Variants in NPTN observed in about 807,000 individuals in gnomAD.
The protein encoded by NPTN is neuroplastin.
A neutral mutation model predicts 42.7 loss-of-function variants in NPTN; 5 were observed. That is an observed-to-expected ratio of 0.12 (90% CI 0.06 to 0.25). The LOEUF (loss-of-function observed/expected upper bound fraction) is 0.25, where lower values mean the gene tolerates loss of function less well. Ranked by LOEUF, NPTN falls within the 10% of genes least tolerant of loss-of-function variation. The pLI is 1.00. For synonymous variants in NPTN, 180 were observed against 201.9 expected, an observed-to-expected ratio of 0.89 and a Z score of 0.92; for missense variants, 307 against 525.4, an observed-to-expected ratio of 0.58 and a Z score of 4.06.
At chr15:73,615,495 T>TAG (rs2141459212) in intron 1 of NPTN, among the ~76,000 whole-genome samples, 1 of 152,264 alleles carries the variant, frequency 6.6e-6, no homozygotes, top group South Asian at 2.1e-4. Flanking sequence ...CACTACACTA[T>TAG]ACTGCCTCAC....
intron 1 of NPTN, among the ~76,000 whole-genome samples, chr15:73,627,895 G>A (rs893440538): frequency 1.3e-5 from 2 of 151,894 alleles, no homozygotes; most frequent in African/African-American, 2.4e-5. Flanking sequence ...AAGAAGTTTT[G>A]TTATGTATAT....
chr15:73,566,698 G>C (rs968478546), intron 6 of NPTN, among the ~76,000 whole-genome samples: 1 of 152,204 alleles, frequency 6.6e-6, no homozygotes, highest in African/African-American at 2.4e-5. Flanking sequence ...TGACATGGAT[G>C]GAAGCCTAGA....
At chr15:73,596,094 A>T (rs1896823702) in intron 2 of NPTN, among the ~76,000 whole-genome samples, 1 of 152,236 alleles carries the variant, frequency 6.6e-6, no homozygotes, top group Non-Finnish European at 1.5e-5. Flanking sequence ...TACTCATCAG[A>T]GTCAAACCGT....
At chr15:73,574,219 G>A (rs1405612082) in intron 4 of NPTN, among the ~76,000 whole-genome samples, 1 of 152,122 alleles carries the variant, frequency 6.6e-6, no homozygotes, top group Non-Finnish European at 1.5e-5. Flanking sequence ...ATTCCCTTAA[G>A]GAAATGAGAT....
intron 1 of NPTN, among the ~76,000 whole-genome samples, chr15:73,608,595 G>T (rs1403565754): frequency 6.6e-6 from 1 of 152,190 alleles, no homozygotes; most frequent in Non-Finnish European, 1.5e-5. Flanking sequence ...AATATAGGGA[G>T]AATGACAGGT....
intron 4 of NPTN, among the ~76,000 whole-genome samples, chr15:73,581,368 A>AT: frequency 6.6e-6 from 1 of 152,098 alleles, no homozygotes. Context: ...TTACCCTCTT[A>AT]GGGGGGCACA....
intron 1 of NPTN, among the ~76,000 whole-genome samples, chr15:73,625,564 C>T (rs1370149425): frequency 6.6e-6 from 1 of 152,088 alleles, no homozygotes; most frequent in East Asian, 1.9e-4. Flanking sequence ...ATCTCCTGAC[C>T]TCGTGATCCG....
At chr15:73,630,686 G>GT (rs889745669) in intron 1 of NPTN, among the ~76,000 whole-genome samples, 1 of 152,122 alleles carries the variant, frequency 6.6e-6, no homozygotes, top group Non-Finnish European at 1.5e-5. Flanking sequence ...ATACTTGTGA[G>GT]TTTTTTTCTC....
At chr15:73,607,756 T>C (rs1897357433) in intron 1 of NPTN, among the ~76,000 whole-genome samples, 1 of 152,214 alleles carries the variant, frequency 6.6e-6, no homozygotes, top group East Asian at 1.9e-4. Context: ...AAGCTTTCCT[T>C]AGATGACAAA....
At chr15:73,612,420 C>CAA (rs35226980) in intron 1 of NPTN, among the ~76,000 whole-genome samples, 2 of 120,032 alleles carry the variant, frequency 1.7e-5, no homozygotes, top group South Asian at 2.6e-4. Flanking sequence ...ATCCTGTCTC[C>CAA]AAAAAAAAAA....
intron 4 of NPTN, among the ~76,000 whole-genome samples, chr15:73,581,137 A>G (rs1270474726): frequency 6.6e-6 from 1 of 152,218 alleles, no homozygotes; most frequent in Non-Finnish European, 1.5e-5. Context: ...ATTTGCTGAT[A>G]CAAACAGGAC....
At chr15:73,611,613 T>C (rs979668014) in intron 1 of NPTN, among the ~76,000 whole-genome samples, 6 of 151,596 alleles carry the variant, frequency 4.0e-5, no homozygotes, top group Non-Finnish European at 1.5e-5. Flanking sequence ...GATGAAGAGG[T>C]AGTACACAGG....
At chr15:73,576,625 G>A (rs1170890111) in intron 4 of NPTN, among the ~76,000 whole-genome samples, 3 of 152,052 alleles carry the variant, frequency 2.0e-5, no homozygotes, top group Non-Finnish European at 2.9e-5. Flanking sequence ...CACTGCGCCT[G>A]GCTAAGAATG....
chr15:73,604,914 C>A (rs1239849104), intron 1 of NPTN, among the ~76,000 whole-genome samples: 1 of 151,908 alleles, frequency 6.6e-6, no homozygotes, highest in Admixed American at 6.6e-5. Context: ...CTGCACCAGT[C>A]TGGACAACAT....
At chr15:73,618,032 C>T (rs1013371795) in intron 1 of NPTN, among the ~76,000 whole-genome samples, 5 of 152,210 alleles carry the variant, frequency 3.3e-5, no homozygotes, top group Non-Finnish European at 7.3e-5. Flanking sequence ...CATGGGCAGA[C>T]ATTTCGTTTC....
Position 73,569,654 on chromosome 15 carries a change from G to C in NPTN, c.1114+496C>G, listed in dbSNP as rs901892923. On this transcript the variant is annotated intron_variant, in intron 6 of 8. Coordinates refer to ENST00000345330, the MANE Select transcript of NPTN (RefSeq NM_012428.4). This position sits in a 1 kb window ranked among gnomAD's most constrained non-coding sequence, Gnocchi z 4.1. ...GGCTTTTCTGAGAACAGTCTGACTG[G>C]GCTGGGGCAGTTACCTACAGGGGCT... 14 of 985,312 alleles carry C rather than the reference G, an allele frequency of 1.4e-5. No individual in the cohort carries two copies. In the African/African-American group the frequency reaches 1.7e-4, roughly 12 times the overall value. The allele number at this position is 985,312 out of a possible 1,614,324, so 61.0% of individuals were successfully genotyped here.
chr15:73,584,594 G>C (rs1037548161), intron 4 of NPTN, among the ~76,000 whole-genome samples: 1 of 151,932 alleles, frequency 6.6e-6, no homozygotes, highest in African/African-American at 2.4e-5. Context: ...GTGGATCCCA[G>C]GGAGGTGGGG....
chr15:73,631,890 C>T (rs1408931367), intron 1 of NPTN, among the ~76,000 whole-genome samples: 2 of 152,190 alleles, frequency 1.3e-5, no homozygotes, highest in Non-Finnish European at 2.9e-5. Context: ...TCCCTATGCC[C>T]ATGATTCCCC....
At chr15:73,567,722 G>A in intron 6 of NPTN, 1 of 985,412 alleles carries the variant, frequency 1.0e-6, no homozygotes, top group Non-Finnish European at 1.2e-6. Context: ...AGAGACAGAG[G>A]AGAAAAACAG....
Sources: allele counts gnomAD v4.1 joint callset (sites outside exome capture counted in the v4.1 genomes callset), GRCh38; gene constraint gnomAD v4.1.1; non-coding constraint Gnocchi (gnomAD v3.1); transcripts MANE v1.5; gene names NCBI Gene and HGNC (gene_info 2026-07-23, HGNC 2026-07-21).